DCUN1D4: variants seen among roughly 807,000 people sequenced by gnomAD.
DCUN1D4 encodes DCN1-like protein 4.
Under a neutral mutation model 47.9 loss-of-function variants are expected in DCUN1D4, and 22 were observed. That is an observed-to-expected ratio of 0.46 (90% CI 0.33 to 0.66). The LOEUF is 0.66. Among genes scored for constraint, DCUN1D4 ranks in the 30% least tolerant of loss-of-function variants. The pLI is 0.02. For synonymous variants in DCUN1D4, 121 were observed against 112.2 expected (o/e 1.08, Z -0.50); for missense variants, 301 against 340.8 (o/e 0.88, Z 0.92).
chr4:51,872,285 T>C (rs1343910962), intron 3 of DCUN1D4, among the ~76,000 whole-genome samples: 1 of 152,200 alleles, frequency 6.6e-6, no homozygotes, highest in Non-Finnish European at 1.5e-5. Flanking sequence ...AGGTTTCAGC[T>C]CTGATCATTG....
chr4:51,883,301 T>C (rs1209580858), intron 5 of DCUN1D4, among the ~76,000 whole-genome samples: 1 of 152,206 alleles, frequency 6.6e-6, no homozygotes, highest in Non-Finnish European at 1.5e-5. Flanking sequence ...GATACTATCA[T>C]GTCTTATCTG....
chr4:51,891,721 T>A (rs1436872526), intron 6 of DCUN1D4, 39 bp from the exon 7 acceptor site: 1 of 1,470,220 alleles, frequency 6.8e-7, no homozygotes. Flanking sequence ...TTAATTTGTG[T>A]AATATATTTT....
In DCUN1D4 at chr4:51,869,509, C is replaced by T. The variant is rs192228464; in HGVS notation, c.137-4762C>T. ...AGACAGTGAGATTTTTGTATTGGCACATCTATTTGTATTAAGTTTGGAGAA... is the reference window on the plus strand; with the variant it reads ...AGACAGTGAGATTTTTGTATTGGCATATCTATTTGTATTAAGTTTGGAGAA... On this transcript the variant is annotated intron_variant, in intron 3 of 10. Coordinates refer to ENST00000334635, the MANE Select transcript of DCUN1D4 (RefSeq NM_001040402.3). 7.2e-4 allele frequency among the ~76,000 whole-genome samples: 109 copies of T among 152,164 alleles called. 2 individuals carry two copies. Among genetic ancestry groups the T allele is most frequent in the Admixed American group, 6.7e-3 (102 of 15,284 alleles).
rs762208819 is a variant in DCUN1D4 at position 51,843,165 on chromosome 4, A to G, written c.-78A>G. The G allele has an allele frequency of 2.6e-4, 396 of 1,526,680 alleles. 1 individual carries two copies. Among genetic ancestry groups the G allele is most frequent in the Non-Finnish European group, 3.3e-4 (375 of 1,137,578 alleles). The allele number at this position is 1,526,680 out of a possible 1,614,324, so 94.6% of individuals were successfully genotyped here. ...GCGGCGGGTCCTCAGCTTCGAGCCG[A>G]GGTGCAGTGAGCTGGTGGGGGGACC... On this transcript the variant is annotated 5_prime_UTR_variant, in exon 1 of 11. Coordinates refer to ENST00000334635, the MANE Select transcript of DCUN1D4 (RefSeq NM_001040402.3).
At chr4:51,890,731 A>G (rs190877108) in intron 6 of DCUN1D4, among the ~76,000 whole-genome samples, 13 of 152,316 alleles carry the variant, frequency 8.5e-5, no homozygotes, top group Admixed American at 7.8e-4. Context: ...CTAATCAGGC[A>G]TGGCCTCAAC....
intron 3 of DCUN1D4, among the ~76,000 whole-genome samples, chr4:51,866,081 G>C (rs1328384808): frequency 1.3e-5 from 2 of 152,190 alleles, no homozygotes; most frequent in Non-Finnish European, 2.9e-5. Flanking sequence ...GGAAAGGAGT[G>C]AGACAGAGAG....
chr4:51,885,552 A>G (rs1207205214), intron 5 of DCUN1D4, among the ~76,000 whole-genome samples: 1 of 152,120 alleles, frequency 6.6e-6, no homozygotes, highest in Non-Finnish European at 1.5e-5. Flanking sequence ...AGATGAGTGT[A>G]GTTACGGCAG....
At chr4:51,866,018 C>T (rs1725846462) in intron 3 of DCUN1D4, among the ~76,000 whole-genome samples, 2 of 152,158 alleles carry the variant, frequency 1.3e-5, no homozygotes, top group Admixed American at 1.3e-4. Flanking sequence ...TCATTTCAGG[C>T]TCTCTGCTCA....
intron 4 of DCUN1D4, among the ~76,000 whole-genome samples, chr4:51,876,247 A>T (rs889889693): frequency 2.0e-5 from 3 of 152,224 alleles, no homozygotes; most frequent in Non-Finnish European, 2.9e-5. Context: ...ATAAAAAATG[A>T]TGAGTTCATG....
intron 1 of DCUN1D4, among the ~76,000 whole-genome samples, chr4:51,858,130 T>G (rs1724436341): frequency 6.6e-6 from 1 of 152,180 alleles, no homozygotes; most frequent in East Asian, 1.9e-4. Flanking sequence ...TTTAAGAATT[T>G]TATCCTTAAT....
intron 1 of DCUN1D4, chr4:51,844,878 C>A: frequency 1.0e-6 from 1 of 985,406 alleles, no homozygotes; most frequent in Non-Finnish European, 1.2e-6. Context: ...TGGAGCCTTC[C>A]TGCTCGGCCA....
At chr4:51,844,133 G>A (rs1396584617) in intron 1 of DCUN1D4, among the ~76,000 whole-genome samples, 1 of 147,490 alleles carries the variant, frequency 6.8e-6, no homozygotes, top group Admixed American at 6.7e-5. Flanking sequence ...ATGGGGGTGA[G>A]GAGCTAGTCG....
chr4:51,911,918 G>A (rs1382677379), intron 9 of DCUN1D4, among the ~76,000 whole-genome samples: 2 of 152,058 alleles, frequency 1.3e-5, no homozygotes, highest in Non-Finnish European at 2.9e-5. Context: ...AAGGATGAGG[G>A]TGTTGGGTCT....
At chr4:51,913,177 CAGAA>C (rs1216249275) in intron 9 of DCUN1D4, 109 bp from the exon 10 acceptor site, 19 of 627,120 alleles carry the variant, frequency 3.0e-5, no homozygotes, top group Non-Finnish European at 4.6e-5. Flanking sequence ...AAACCTCAAA[CAGAA>C]AGAGTTAACC....
chr4:51,858,401 A>G (rs1454258348), intron 1 of DCUN1D4, among the ~76,000 whole-genome samples: 1 of 152,156 alleles, frequency 6.6e-6, no homozygotes, highest in Admixed American at 6.6e-5. Context: ...GGCTGAGTAG[A>G]ATGAACAAGG....
chr4:51,843,792 T>C (rs1254524075), intron 1 of DCUN1D4: 1 of 30,070 alleles, frequency 3.3e-5, no homozygotes, highest in African/African-American at 3.3e-4. Flanking sequence ...GAAGGGCTGG[T>C]TGGCGGGGGG....
At chr4:51,872,066 C>T (rs895585617) in intron 3 of DCUN1D4, among the ~76,000 whole-genome samples, 1 of 152,176 alleles carries the variant, frequency 6.6e-6, no homozygotes, top group African/African-American at 2.4e-5. Flanking sequence ...TGAGGGTCAT[C>T]TGTTTAGACC....
At chr4:51,901,263 G>A (rs1732063953) in intron 8 of DCUN1D4, among the ~76,000 whole-genome samples, 1 of 152,120 alleles carries the variant, frequency 6.6e-6, no homozygotes, top group Non-Finnish European at 1.5e-5. Flanking sequence ...TCCCATGTCA[G>A]CTCTGAGGGA....
chr4:51,862,251 G>A (rs1486241471), intron 1 of DCUN1D4, among the ~76,000 whole-genome samples: 1 of 152,240 alleles, frequency 6.6e-6, no homozygotes, highest in Admixed American at 6.5e-5. Flanking sequence ...GCATGTGAAT[G>A]TGAGGGGCTC....
Sources: gnomAD v4.1 joint callset for allele counts (sites outside exome capture counted in the v4.1 genomes callset) on GRCh38, gnomAD v4.1.1 for gene constraint, MANE v1.5 for transcripts, NCBI Gene and HGNC (gene_info 2026-07-23, HGNC 2026-07-21) for gene names.